Variants in PVT1 observed in about 807,000 individuals in gnomAD.
PVT1 encodes the protein Pvt1 oncogene, also known as CXCR4/PVT1 fusion.
chr8:127,870,261 C>A (rs150757175), intron 2 of PVT1, among the ~76,000 whole-genome samples: 7 of 152,262 alleles, frequency 4.6e-5, no homozygotes, highest in African/African-American at 1.4e-4. Flanking sequence ...ACCACAGAGG[C>A]AGAGATTAGA....
At chr8:128,037,866 C>G (rs1052276980) in intron 4 of PVT1, among the ~76,000 whole-genome samples, 1 of 152,240 alleles carries the variant, frequency 6.6e-6, no homozygotes, top group Non-Finnish European at 1.5e-5. Flanking sequence ...TGAAGAACCA[C>G]TGGTGTAGAC....
intron 2 of PVT1, among the ~76,000 whole-genome samples, chr8:127,864,488 CCTT>C (rs1270392563): frequency 2.6e-5 from 4 of 152,158 alleles, no homozygotes; most frequent in African/African-American, 9.7e-5. Flanking sequence ...ACCCCTCGCT[CCTT>C]CTCTTATTCT....
chr8:127,855,772 C>CTGTGAAAATGGATAGACCTCG (rs1815153790), intron 2 of PVT1, among the ~76,000 whole-genome samples: 1 of 152,222 alleles, frequency 6.6e-6, no homozygotes, highest in Non-Finnish European at 1.5e-5. Context: ...AATCACTAAC[C>CTGTGAAAATGGATAGACCTCG]TGTGAAAATG....
chr8:128,066,510 C>G (rs141448363), intron 4 of PVT1, among the ~76,000 whole-genome samples: 2 of 152,208 alleles, frequency 1.3e-5, no homozygotes, highest in South Asian at 4.1e-4. Context: ...AGCATAACAG[C>G]GTCACTTCTG....
intron 3 of PVT1, among the ~76,000 whole-genome samples, chr8:127,924,546 C>T (rs1424086351): frequency 3.7e-5 from 5 of 136,818 alleles, no homozygotes; most frequent in African/African-American, 1.4e-4. Flanking sequence ...GAGTCTCACT[C>T]TGTTGCCCAG....
At chr8:127,887,357 A>G (rs1815534857) in intron 2 of PVT1, among the ~76,000 whole-genome samples, 2 of 152,122 alleles carry the variant, frequency 1.3e-5, no homozygotes, top group African/African-American at 2.4e-5. Flanking sequence ...AGAATGTCCT[A>G]CTTTTGGTCA....
chr8:128,046,404 G>T (rs1813613166), intron 4 of PVT1, among the ~76,000 whole-genome samples: 1 of 152,250 alleles, frequency 6.6e-6, no homozygotes, highest in Non-Finnish European at 1.5e-5. Context: ...GGCAGAGCTG[G>T]GATCTGAAGT....
At chr8:128,008,449 C>T (rs34991023) in intron 4 of PVT1, among the ~76,000 whole-genome samples, 3,939 of 152,292 alleles carry the variant, frequency 0.026, 90 homozygotes, top group Middle Eastern at 0.051. Context: ...TGTATGTTCC[C>T]ACAGGCTCTG....
chr8:127,801,074 G>C (rs930244121), intron 2 of PVT1, among the ~76,000 whole-genome samples: 1 of 152,152 alleles, frequency 6.6e-6, no homozygotes, highest in African/African-American at 2.4e-5. Context: ...TGAGCCTGTG[G>C]GGGTGAGGAG....
At chr8:127,825,925 A>T (rs934567524) in intron 2 of PVT1, among the ~76,000 whole-genome samples, 1 of 150,386 alleles carries the variant, frequency 6.6e-6, no homozygotes, top group Non-Finnish European at 1.5e-5. Flanking sequence ...ATCATGGTTC[A>T]TTGCAGCCTC....
At chr8:127,931,885 A>G (rs977368636) in intron 3 of PVT1, among the ~76,000 whole-genome samples, 2 of 152,246 alleles carry the variant, frequency 1.3e-5, no homozygotes, top group Non-Finnish European at 2.9e-5. Context: ...GGTGCCTATT[A>G]TGTAAGGCCC....
chr8:128,077,712 C>A (rs1385880311), intron 5 of PVT1, among the ~76,000 whole-genome samples: 1 of 152,168 alleles, frequency 6.6e-6, no homozygotes, highest in African/African-American at 2.4e-5. Flanking sequence ...CAGCTGCCTT[C>A]CTCATTTTAA....
intron 3 of PVT1, among the ~76,000 whole-genome samples, chr8:127,959,477 C>G (rs1327758731): frequency 6.6e-6 from 1 of 150,694 alleles, no homozygotes; most frequent in African/African-American, 2.4e-5. Context: ...CCCAGCTACT[C>G]GGTAGGCTAA....
At chr8:127,875,713 C>T (rs984441345) in intron 2 of PVT1, among the ~76,000 whole-genome samples, 19 of 152,078 alleles carry the variant, frequency 1.2e-4, no homozygotes, top group African/African-American at 4.3e-4. Flanking sequence ...GACAAGGCAC[C>T]CTGGGGAGCC....
chr8:127,832,010 T>A (rs1044624128), intron 2 of PVT1, among the ~76,000 whole-genome samples: 1 of 152,226 alleles, frequency 6.6e-6, no homozygotes, highest in African/African-American at 2.4e-5. Context: ...AACAACATCT[T>A]TGCAGAAAAG....
intron 2 of PVT1, among the ~76,000 whole-genome samples, chr8:127,830,913 A>G (rs957208548): frequency 2.0e-5 from 3 of 152,160 alleles, no homozygotes; most frequent in Admixed American, 6.5e-5. Context: ...GCCCTCAGAC[A>G]TCGGACTCCA....
chr8:127,993,338 G>A (rs4733817), intron 4 of PVT1, among the ~76,000 whole-genome samples: 48,527 of 152,132 alleles, frequency 0.32, 9,179 homozygotes, highest in Admixed American at 0.52. Flanking sequence ...CAGTGGCTGC[G>A]CCACCACCTG....
chr8:127,848,714 G>A (rs557380763), intron 2 of PVT1, among the ~76,000 whole-genome samples: 28 of 152,026 alleles, frequency 1.8e-4, no homozygotes, highest in Non-Finnish European at 4.0e-4. Flanking sequence ...AACAAAAAAG[G>A]CCAACAAATT....
chr8:128,048,224 T>C (rs1332411326), intron 4 of PVT1, among the ~76,000 whole-genome samples: 1 of 152,238 alleles, frequency 6.6e-6, no homozygotes, highest in Non-Finnish European at 1.5e-5. Context: ...AAGGCCAAGC[T>C]AGAGAAGGCA....
Sources: allele counts gnomAD v4.1 joint callset (sites outside exome capture counted in the v4.1 genomes callset), GRCh38; gene constraint gnomAD v4.1.1; transcripts MANE v1.5; gene names NCBI Gene and HGNC (gene_info 2026-07-23, HGNC 2026-07-21).